SYNE3: variants seen among roughly 807,000 people sequenced by gnomAD.
The protein encoded by SYNE3 is nesprin-3.
Under a neutral mutation model 111.2 loss-of-function variants are expected in SYNE3, and 100 were observed. That is an observed-to-expected ratio of 0.90 (90% CI 0.77 to 1.06). The LOEUF (loss-of-function observed/expected upper bound fraction) is 1.06, where lower values mean the gene tolerates loss of function less well. SYNE3 is among the 50% of genes least tolerant of loss of function. The probability of loss-of-function intolerance (pLI) is 0.00; values close to 1 mark genes in which losing one functional copy is unlikely to be tolerated. For synonymous variants in SYNE3, 547 were observed against 533.9 expected (o/e 1.02, Z -0.34); for missense variants, 1,160 against 1,240.3 (o/e 0.94, Z 0.97).
rs1469306033 is a variant in SYNE3, at chr14:95,408,324, C to T, written c.*9502G>A. On this transcript the variant is annotated 3_prime_UTR_variant, in exon 18 of 18. Coordinates refer to ENST00000682763, the MANE Select transcript of SYNE3 (RefSeq NM_152592.6). ...ACTTGCCATTTTCCCAACACACACA[C>T]ACAGAAAGAGAGAGAGAAAGGAGAA... 6.6e-6 allele frequency: 1 copy of T among 152,152 alleles called. No homozygotes were observed. Among genetic ancestry groups the T allele is most frequent in the African/African-American group, 2.4e-5 (1 of 41,416 alleles). 9.4% of individuals were successfully genotyped at this position (152,152 alleles called of 1,614,324 possible). A position where few individuals can be genotyped will look rare whatever the true frequency, so the allele number is the denominator to read the frequency against.
At chr14:95,488,215 A>G (rs1889646148) in intron 1 of SYNE3, among the ~76,000 whole-genome samples, 1 of 152,164 alleles carries the variant, frequency 6.6e-6, no homozygotes, top group Non-Finnish European at 1.5e-5. Context: ...TCAAGTGTGC[A>G]AGGGCCTGGT....
chr14:95,511,443 G>A (rs1008308667), intron 1 of SYNE3, among the ~76,000 whole-genome samples: 2 of 152,166 alleles, frequency 1.3e-5, no homozygotes, highest in African/African-American at 4.8e-5. Context: ...ACTCACGCCT[G>A]TAATCCCAGC....
At chr14:95,433,208 C>T (rs1469294014) in intron 16 of SYNE3, 52 bp downstream of exon 16, 9 of 1,586,520 alleles carry the variant, frequency 5.7e-6, no homozygotes, top group Non-Finnish European at 7.7e-6. Context: ...AAATACGGCC[C>T]AGCTATAGTC....
At chr14:95,478,378 G>A (rs951607303) in intron 1 of SYNE3, among the ~76,000 whole-genome samples, 6 of 152,170 alleles carry the variant, frequency 3.9e-5, no homozygotes, top group African/African-American at 1.4e-4. Flanking sequence ...GTCTGTGAGG[G>A]ACCTCTGAGG....
At position 95,457,329 on chromosome 14, in the gene SYNE3, C is replaced by T. The variant is rs752422811; in HGVS notation, c.637G>A (p.Asp213Asn). The change falls in exon 5 of 18, where the codon GAT (aspartate) becomes AAT (asparagine). Residue 213 changes from aspartate (D) to asparagine (N), a missense_variant. By Grantham distance (23) the Asp-to-Asn change is conservative. Transcript: ENST00000682763. ...AVKAKAQKRVDLLEQVAREHE... is the reference protein window; with the variant it reads ...AVKAKAQKRVNLLEQVAREHE... ...TCCCGGGCCACCTGCTCCAGCAGAT[C>T]TACACGCTTCTGTGGGAGGAGGAGA... 6.2e-7 allele frequency: 1 copy of T among 1,613,488 alleles called. No homozygotes were observed.
intron 1 of SYNE3, among the ~76,000 whole-genome samples, chr14:95,508,548 G>A (rs1287111659): frequency 6.6e-6 from 1 of 152,250 alleles, no homozygotes; most frequent in African/African-American, 2.4e-5. Flanking sequence ...TGGCAGGATG[G>A]GATAAGTGCC....
intron 1 of SYNE3, among the ~76,000 whole-genome samples, chr14:95,477,298 C>T (rs1026042882): frequency 6.6e-6 from 1 of 152,204 alleles, no homozygotes; most frequent in African/African-American, 2.4e-5. Flanking sequence ...TAAGCACATT[C>T]CATGGGAACC....
At chr14:95,454,865 G>A (rs1887312127) in intron 6 of SYNE3, among the ~76,000 whole-genome samples, 1 of 152,176 alleles carries the variant, frequency 6.6e-6, no homozygotes, top group Non-Finnish European at 1.5e-5. Context: ...TATACCTCGG[G>A]GGAGGGCTGG....
In SYNE3 at chr14:95,466,227, C is replaced by T. The variant is rs1348862925; in HGVS notation, c.331G>A (p.Val111Met). 1 of 1,574,838 alleles carries T rather than the reference C, an allele frequency of 6.3e-7. No homozygotes were observed. Among genetic ancestry groups the T allele is most frequent in the South Asian group, 1.1e-5 (1 of 87,790 alleles). Residue 111 changes from valine (V) to methionine (M), a missense_variant, in exon 4 of 18, where the codon GTG becomes ATG. Transcript: ENST00000682763. ...AGGTACTCGCTCCAGTGCAGCCACA[C>T]CCACTCGATGCGGCTGTGGGCACAG... ...MTHCHSRIEWVWLHWSEYLLA... is the reference protein window; with the variant it reads ...MTHCHSRIEWMWLHWSEYLLA...
chr14:95,513,852 A>G (rs1358288575), intron 1 of SYNE3, among the ~76,000 whole-genome samples: 1 of 149,962 alleles, frequency 6.7e-6, no homozygotes, highest in African/African-American at 2.5e-5. Flanking sequence ...CTGTTTTCCC[A>G]GTGATGAACG....
intron 5 of SYNE3, among the ~76,000 whole-genome samples, chr14:95,456,814 G>A (rs1887469910): frequency 6.6e-6 from 1 of 152,156 alleles, no homozygotes; most frequent in Non-Finnish European, 1.5e-5. Flanking sequence ...TCAGGGTGTG[G>A]TGGCTCACAC....
At position 95,486,522 on chromosome 14, in the gene SYNE3, C is replaced by G. The variant is rs1595249087; in HGVS notation, c.-14-10687G>C. Among the ~76,000 whole-genome samples the G allele has an allele frequency of 4.6e-5, 7 of 152,306 alleles. No homozygotes were observed. In the South Asian group the frequency reaches 1.2e-3, roughly 27 times the overall value. On this transcript the variant is annotated intron_variant, in intron 1 of 17. Transcript: ENST00000682763. ...CTGCCTGGCTGGCTGGCCCTGCCTT[C>G]CCTGACATCTCCCTCTTCCTGGGCC...
Position 95,431,991 on chromosome 14 carries a change from C to A in SYNE3, c.2727+88G>T, listed in dbSNP as rs1885794025. On this transcript the variant is annotated intron_variant, in intron 17 of 17. Transcript: ENST00000682763. Reference sequence around the variant, plus strand: ...GTCTTCCTGGAACCTTCCAGAAAGCCCACGAGTCTTGCCCCAGTGTCACGG... The same window carrying A: ...GTCTTCCTGGAACCTTCCAGAAAGCACACGAGTCTTGCCCCAGTGTCACGG... 9 of 1,468,934 alleles carry A rather than the reference C, an allele frequency of 6.1e-6. No individual in the cohort carries two copies. In the South Asian group the frequency reaches 1.1e-4, roughly 18 times the overall value. The allele number at this position is 1,468,934 out of a possible 1,614,324, so 91.0% of individuals were successfully genotyped here.
rs746787493 is a variant in SYNE3, at chr14:95,429,371, G to A, written c.2727+2708C>T. On this transcript the variant is annotated intron_variant, in intron 17 of 17. Transcript: ENST00000682763. The stretch of plus-strand genomic sequence containing the variant: ...CACACACGCTAATGGTGGAGCCTGG[G>A]TTTGAACCCAGAGTGTAAAGTGGTG... 4.2e-4 allele frequency among the ~76,000 whole-genome samples: 64 copies of A among 152,318 alleles called. 1 individual carries two copies. Among genetic ancestry groups the A allele is most frequent in the Admixed American group, 6.5e-4 (10 of 15,302 alleles).
intron 17 of SYNE3, among the ~76,000 whole-genome samples, chr14:95,430,265 G>C (rs894310362): frequency 8.5e-5 from 13 of 152,164 alleles, no homozygotes; most frequent in Non-Finnish European, 1.9e-4. Flanking sequence ...CAACCAGAGA[G>C]AGGCTTAAAG....
In SYNE3 at chr14:95,412,263, TC is replaced by T. The variant is rs1903455019; in HGVS notation, c.*5562del. 6.6e-6 allele frequency: 1 copy of T among 152,292 alleles called. No homozygotes were observed. Among genetic ancestry groups the T allele is most frequent in the Non-Finnish European group, 1.5e-5 (1 of 68,144 alleles). 9.4% of individuals were successfully genotyped at this position (152,292 alleles called of 1,614,324 possible). A position where few individuals can be genotyped will look rare whatever the true frequency, so the allele number is the denominator to read the frequency against. On this transcript the variant is annotated 3_prime_UTR_variant, in exon 18 of 18. Transcript: ENST00000682763. ...CCCTGTTCCGAGCTCTCCCACTGTC[TC>T]CCCTGTGTGGCTCTTCCAGTTTCTG...
In SYNE3 at chr14:95,463,807, A is replaced by T. The variant is rs183845585; in HGVS notation, c.627+2124T>A. Among the ~76,000 whole-genome samples the T allele has an allele frequency of 2.5e-4, 38 of 152,326 alleles. No homozygotes were observed. In the East Asian group the frequency reaches 6.0e-3, roughly 24 times the overall value. ...TTCAAACTGCAGGGGTGGAGTTCTCATTATTTCAACAGATAGTTCTGAGCA... is the reference window on the plus strand; with the variant it reads ...TTCAAACTGCAGGGGTGGAGTTCTCTTTATTTCAACAGATAGTTCTGAGCA... On this transcript the variant is annotated intron_variant, in intron 4 of 17. Coordinates refer to ENST00000682763, the MANE Select transcript of SYNE3 (RefSeq NM_152592.6).
At chr14:95,424,486 G>A (rs1303632845) in intron 17 of SYNE3, among the ~76,000 whole-genome samples, 2 of 152,190 alleles carry the variant, frequency 1.3e-5, no homozygotes, top group African/African-American at 2.4e-5. Context: ...CCTCTACCCA[G>A]CCCCTACAGG....
intron 1 of SYNE3, among the ~76,000 whole-genome samples, chr14:95,489,363 A>T (rs910323775): frequency 6.6e-6 from 1 of 152,232 alleles, no homozygotes; most frequent in Non-Finnish European, 1.5e-5. Context: ...CTCCTGGAAT[A>T]AGGATTGAAA....
Sources: allele counts gnomAD v4.1 joint callset (sites outside exome capture counted in the v4.1 genomes callset), GRCh38; gene constraint gnomAD v4.1.1; transcripts MANE v1.5; gene names NCBI Gene and HGNC (gene_info 2026-07-23, HGNC 2026-07-21).